RCOR3: variants seen among roughly 807,000 people sequenced by gnomAD.
The protein encoded by RCOR3 is REST corepressor 3.
A neutral mutation model predicts 64.1 loss-of-function variants in RCOR3; 13 were observed. The ratio of observed to expected loss-of-function variants is 0.20; its 90% confidence interval spans 0.13 to 0.32. The LOEUF (loss-of-function observed/expected upper bound fraction) is 0.32, where lower values mean the gene tolerates loss of function less well. RCOR3 is among the 10% of genes least tolerant of loss of function. RCOR3 has a pLI of 1.00. For missense variants in RCOR3, 489 were observed against 701.2 expected, an observed-to-expected ratio of 0.70 and a Z score of 3.42; for synonymous variants, 215 against 239.0, an observed-to-expected ratio of 0.90 and a Z score of 0.93.
At chr1:211,274,640 A>G (rs2102488839) in intron 4 of RCOR3, among the ~76,000 whole-genome samples, 1 of 152,192 alleles carries the variant, frequency 6.6e-6, no homozygotes, top group African/African-American at 2.4e-5. Flanking sequence ...AAAAAATTTT[A>G]ATGATACAGG....
chr1:211,266,840 C>G (rs556084950), intron 2 of RCOR3, among the ~76,000 whole-genome samples: 1 of 152,182 alleles, frequency 6.6e-6, no homozygotes, highest in Non-Finnish European at 1.5e-5. Flanking sequence ...TTTAATAGCA[C>G]ATGTTACTTT....
chr1:211,261,330 C>CT (rs1408639436), intron 2 of RCOR3: 1 of 152,172 alleles, frequency 6.6e-6, no homozygotes, highest in African/African-American at 2.4e-5. Flanking sequence ...GCAGCTCTTC[C>CT]TCCTGTCCCA....
rs1693793183 is a variant in RCOR3, at chr1:211,259,536, A to C, written c.-25A>C. 1.3e-6 allele frequency: 2 copies of C among 1,521,882 alleles called. No homozygotes were observed. Among genetic ancestry groups the C allele is most frequent in the Non-Finnish European group, 1.8e-6 (2 of 1,133,296 alleles). The allele number at this position is 1,521,882 out of a possible 1,614,324, so 94.3% of individuals were successfully genotyped here. On this transcript the variant is annotated 5_prime_UTR_variant, in exon 1 of 12. Coordinates refer to ENST00000419091, the MANE Select transcript of RCOR3 (RefSeq NM_001136223.3). ...ACCCTGACGCCTGCCTCTTCCCCTC[A>C]CCTTTCCCCCTCCCCTGTTCTACCA...
At chr1:211,259,794 T>G (rs1202668559) in intron 1 of RCOR3, 68 bp downstream of exon 1, 4 of 753,310 alleles carry the variant, frequency 5.3e-6, no homozygotes, top group East Asian at 7.8e-5. Context: ...CCCAGCCCCC[T>G]CCCCTCGCCG....
chr1:211,281,368 TTC>T (rs1183432924), intron 7 of RCOR3, among the ~76,000 whole-genome samples: 1 of 152,200 alleles, frequency 6.6e-6, no homozygotes, highest in Non-Finnish European at 1.5e-5. Flanking sequence ...CTCTCTGTTC[TTC>T]TCTGTGTGAC....
intron 8 of RCOR3, among the ~76,000 whole-genome samples, chr1:211,289,619 A>G (rs916891245): frequency 1.3e-5 from 2 of 152,206 alleles, no homozygotes; most frequent in Admixed American, 6.5e-5. Context: ...GTCTTGGGCA[A>G]ATTAACCTCT....
At chr1:211,281,055 A>G (rs1251156691) in intron 7 of RCOR3, among the ~76,000 whole-genome samples, 5 of 150,992 alleles carry the variant, frequency 3.3e-5, no homozygotes, top group Non-Finnish European at 7.4e-5. Context: ...GCACTACGTC[A>G]CTTTTGAGTT....
intron 9 of RCOR3, chr1:211,301,804 T>C (rs898727249): frequency 6.6e-6 from 1 of 152,198 alleles, no homozygotes; most frequent in Admixed American, 6.5e-5. Flanking sequence ...TTCTGAAGTT[T>C]AGATGAAAAA....
Position 211,313,761 on chromosome 1 carries a change from T to C in RCOR3, c.1655T>C (p.Leu552Pro), listed in dbSNP as rs201939972. The change falls in exon 12 of 12, where the codon CTG (leucine) becomes CCG (proline). Residue 552 changes from leucine to proline, a missense_variant. By Grantham distance (98) the Leu-to-Pro change is moderately conservative. Around this residue, in one of 2 missense-constraint regions of RCOR3, gnomAD observed 402 missense variants for 617.0 expected, o/e 0.65. Coordinates refer to ENST00000419091, the MANE Select transcript of RCOR3 (RefSeq NM_001136223.3). The surrounding 1 kb of genome is among the most constrained non-coding windows in gnomAD (Gnocchi z 4.7). ...IGIQTDSQSS[L>P]H ...ATTCAGACAGATTCACAGTCCTCACTGCACTAAAAATTAAATTGGACACAG... is the reference window on the plus strand; with the variant it reads ...ATTCAGACAGATTCACAGTCCTCACCGCACTAAAAATTAAATTGGACACAG... 1 of 1,612,640 alleles carries C rather than the reference T, an allele frequency of 6.2e-7. No individual in the cohort carries two copies. The highest frequency in any genetic ancestry group is 2.2e-5 in the East Asian group (1 of 44,854).
At chr1:211,308,315 C>G (rs1419667128) in intron 10 of RCOR3, among the ~76,000 whole-genome samples, 1 of 152,080 alleles carries the variant, frequency 6.6e-6, no homozygotes, top group Non-Finnish European at 1.5e-5. Flanking sequence ...TGACTTTTAG[C>G]CCCTTCCATG....
At chr1:211,302,769 G>A (rs1700509235) in intron 9 of RCOR3, 1 of 152,132 alleles carries the variant, frequency 6.6e-6, no homozygotes, top group Non-Finnish European at 1.5e-5. Context: ...CCACAGCCAA[G>A]GTAGCATCAG....
chr1:211,314,021 G>GA lies in RCOR3; in HGVS notation c.*258dup, dbSNP rs1701736391. ...TTCAGCAATGTTGATCTCATAAAAG[G>GA]AAAAACAAAAGATTTAAGTATTCTA... On this transcript the variant is annotated 3_prime_UTR_variant, in exon 12 of 12. Transcript: ENST00000419091. 1.1e-5 allele frequency: 5 copies of GA among 439,372 alleles called. No individual in the cohort carries two copies. The highest frequency in any genetic ancestry group is 5.9e-4 in the Middle Eastern group (1 of 1,706). 27.2% of individuals were successfully genotyped at this position (439,372 alleles called of 1,614,324 possible).
intron 2 of RCOR3, among the ~76,000 whole-genome samples, chr1:211,269,323 C>T (rs1695765859): frequency 6.6e-6 from 1 of 151,840 alleles, no homozygotes; most frequent in Non-Finnish European, 1.5e-5. Context: ...GTTAGCCAAG[C>T]ATGGTGGCGT....
Position 211,314,278 on chromosome 1 carries a change from A to T in RCOR3, c.*510A>T, listed in dbSNP as rs1166337875. ...GCATTTCCGATTTTGACATATGTTC[A>T]TTTTATGCATATTTAAGAAATTATA... is the stretch of plus-strand genomic sequence containing the variant. On this transcript the variant is annotated 3_prime_UTR_variant, in exon 12 of 12. Coordinates refer to ENST00000419091, the MANE Select transcript of RCOR3 (RefSeq NM_001136223.3). The T allele has an allele frequency of 6.6e-6, 1 of 152,162 alleles. No homozygotes were observed. Among genetic ancestry groups the T allele is most frequent in the Admixed American group, 6.5e-5 (1 of 15,272 alleles). 9.4% of individuals were successfully genotyped at this position (152,162 alleles called of 1,614,324 possible).
At chr1:211,263,134 G>C (rs1246781656) in intron 2 of RCOR3, among the ~76,000 whole-genome samples, 1 of 146,604 alleles carries the variant, frequency 6.8e-6, no homozygotes, top group Non-Finnish European at 1.5e-5. Context: ...TTGGTTTTTT[G>C]TCCTTGCGAT....
At chr1:211,261,075 C>G (rs530584762) in intron 2 of RCOR3, 2 of 152,234 alleles carry the variant, frequency 1.3e-5, no homozygotes, top group Non-Finnish European at 2.9e-5. Flanking sequence ...AGGCTTTGGA[C>G]AGACTTTGAA....
chr1:211,260,922 C>G (rs549682359), intron 2 of RCOR3: 1 of 152,234 alleles, frequency 6.6e-6, no homozygotes, highest in Non-Finnish European at 1.5e-5. Flanking sequence ...TACTTTTCTC[C>G]AAACAGGCTC....
intron 8 of RCOR3, among the ~76,000 whole-genome samples, chr1:211,292,069 CA>C (rs967101235): frequency 1.3e-5 from 2 of 151,884 alleles, no homozygotes; most frequent in African/African-American, 4.8e-5. Context: ...TCAAGGTTTA[CA>C]GTAGAAAAAA....
intron 7 of RCOR3, among the ~76,000 whole-genome samples, chr1:211,286,508 C>T (rs1040512249): frequency 2.6e-5 from 4 of 152,084 alleles, no homozygotes; most frequent in Admixed American, 2.0e-4. Context: ...GGGGTTTCAC[C>T]GGGTTAGCCA....
Sources: gnomAD v4.1 joint callset for allele counts (sites outside exome capture counted in the v4.1 genomes callset) on GRCh38, gnomAD v4.1.1 for gene constraint, gnomAD v4.1.1 regional missense constraint, Gnocchi (gnomAD v3.1) non-coding constraint, MANE v1.5 for transcripts, NCBI Gene and HGNC (gene_info 2026-07-23, HGNC 2026-07-21) for gene names.